The following TVP23A variants were observed in gnomAD, a reference collection of about 807,000 sequenced individuals.
TVP23A encodes the protein trans-golgi network vesicle protein 23 homolog A.
A neutral mutation model predicts 31.7 loss-of-function variants in TVP23A; 21 were observed. The ratio of observed to expected loss-of-function variants is 0.66; its 90% CI spans 0.47 to 0.95. The LOEUF is 0.95. TVP23A is among the 40% of genes least tolerant of loss of function. The pLI is 0.00. For synonymous variants in TVP23A, 104 were observed against 96.0 expected, an observed-to-expected ratio of 1.08 and a Z score of -0.49; for missense variants, 279 against 255.6, an observed-to-expected ratio of 1.09 and a Z score of -0.62.
In TVP23A at chr16:10,768,088, A is replaced by C; in HGVS notation, c.*1014T>G. ...TGCCTGTGGGGCAGGAAGCAACATA[A>C]AGGAGCCAGGGGTGTGGAAGGACAG... On this transcript the variant is annotated 3_prime_UTR_variant, in exon 8 of 8. Coordinates refer to ENST00000299866, the MANE Select transcript of TVP23A (RefSeq NM_001079512.4). The surrounding 1 kb of genome is among the most constrained non-coding windows in gnomAD (Gnocchi z 4.3). 6.5e-7 allele frequency: 1 copy of C among 1,544,776 alleles called. No homozygotes were observed. Among genetic ancestry groups the C allele is most frequent in the Non-Finnish European group, 8.9e-7 (1 of 1,120,158 alleles).
intron 2 of TVP23A, among the ~76,000 whole-genome samples, chr16:10,783,784 A>T (rs1470880263): frequency 6.6e-6 from 1 of 152,228 alleles, no homozygotes; most frequent in Non-Finnish European, 1.5e-5. Context: ...GACCTCAAAA[A>T]GGCATAGAGG....
rs1012766941 is a variant in TVP23A at position 10,766,987 on chromosome 16, C to T, written c.*2115G>A. The stretch of plus-strand genomic sequence containing the variant: ...GCTCCCCATCTCCCACCAACCCCTC[C>T]CCACAGGCTTCTTCCCCGACTTGGA... On this transcript the variant is annotated 3_prime_UTR_variant, in exon 8 of 8. Coordinates refer to ENST00000299866, the MANE Select transcript of TVP23A (RefSeq NM_001079512.4). This position sits in a 1 kb window ranked among gnomAD's most constrained non-coding sequence, Gnocchi z 4.8. The T allele has an allele frequency of 1.5e-5, 6 of 398,724 alleles. No homozygotes were observed. The highest frequency in any genetic ancestry group is 2.7e-5 in the Non-Finnish European group (6 of 226,210). 24.7% of individuals were successfully genotyped at this position (398,724 alleles called of 1,614,324 possible).
At chr16:10,759,572 G>A (rs148725078), downstream of TVP23A, among the ~76,000 whole-genome samples, 34 of 152,198 alleles carry the variant, frequency 2.2e-4, no homozygotes, top group African/African-American at 7.2e-4. This position sits in a 1 kb window ranked among gnomAD's most constrained non-coding sequence, Gnocchi z 4.7. Flanking sequence ...TCAGGAGTTC[G>A]AGACCAGACT....
Position 10,771,728 on chromosome 16 carries a change from C to G in TVP23A, c.524G>C (p.Gly175Ala). 1 of 1,612,040 alleles carries G rather than the reference C, an allele frequency of 6.2e-7. No individual in the cohort carries two copies. The highest frequency in any genetic ancestry group is 8.5e-7 in the Non-Finnish European group (1 of 1,179,122). Residue 175 changes from glycine to alanine, a missense_variant, in exon 6 of 8, where the codon GGC (glycine) becomes GCC (alanine). Coordinates refer to ENST00000299866, the MANE Select transcript of TVP23A (RefSeq NM_001079512.4). Reference protein sequence around the residue: ...LYGYILCKMGGNSDIGKVTAS... With the variant: ...LYGYILCKMGANSDIGKVTAS... ...TGTGACCTTGCCAATGTCACTGTTG[C>G]CTCCCATCTTACAAAGGATGTAGCC...
In TVP23A at chr16:10,771,985, AT is replaced by A. The variant is rs1280044650; in HGVS notation, c.454-188del. Among the ~76,000 whole-genome samples the A allele has an allele frequency of 8.6e-5, 13 of 151,764 alleles. 1 individual carries two copies. Among genetic ancestry groups the A allele is most frequent in the South Asian group, 8.3e-4 (4 of 4,802 alleles). ...AGGCGTCCGCCACCAGGCCTGGCTA[AT>A]TTTTTTGTATTTTTAGTAGAGACAC... is the stretch of plus-strand genomic sequence containing the variant. On this transcript the variant is annotated intron_variant, in intron 5 of 7. Coordinates refer to ENST00000299866, the MANE Select transcript of TVP23A (RefSeq NM_001079512.4).
intron 2 of TVP23A, among the ~76,000 whole-genome samples, chr16:10,817,440 C>T (rs958862804): frequency 9.2e-5 from 14 of 152,182 alleles, no homozygotes; most frequent in Admixed American, 2.0e-4. Context: ...AAGTGGCTGC[C>T]GCCTGGGCCA....
chr16:10,778,993 T>C (rs777407524), intron 2 of TVP23A, among the ~76,000 whole-genome samples: 5 of 152,148 alleles, frequency 3.3e-5, no homozygotes, highest in Non-Finnish European at 5.9e-5. Flanking sequence ...AATGTCAAAG[T>C]GTGAGCCAAG....
At chr16:10,758,862 G>A (rs56138941), downstream of TVP23A, among the ~76,000 whole-genome samples, 4,317 of 152,256 alleles carry the variant, frequency 0.028, 218 homozygotes, top group African/African-American at 0.098. Flanking sequence ...CCTAGTGGCT[G>A]TACTCCAAGG....
At chr16:10,778,985 T>G (rs1008935268) in intron 2 of TVP23A, among the ~76,000 whole-genome samples, 1 of 152,062 alleles carries the variant, frequency 6.6e-6, no homozygotes, top group Non-Finnish European at 1.5e-5. Flanking sequence ...CTCAAAAAAA[T>G]GTCAAAGTGT....
intron 2 of TVP23A, among the ~76,000 whole-genome samples, chr16:10,816,822 A>G (rs1308174576): frequency 6.6e-6 from 1 of 152,100 alleles, no homozygotes; most frequent in Non-Finnish European, 1.5e-5. Context: ...ATGTATACAT[A>G]TGTAACGAAC....
At chr16:10,778,464 C>G (rs981166027) in intron 2 of TVP23A, among the ~76,000 whole-genome samples, 9 of 152,260 alleles carry the variant, frequency 5.9e-5, no homozygotes, top group Admixed American at 5.2e-4. Flanking sequence ...TTGTCCCTTG[C>G]CCCTGGAGAT....
chr16:10,760,004 G>A (rs1900833336), downstream of TVP23A, among the ~76,000 whole-genome samples: 1 of 152,192 alleles, frequency 6.6e-6, no homozygotes, highest in Non-Finnish European at 1.5e-5. Flanking sequence ...TGGGTACAGG[G>A]ATCTGTGATA....
chr16:10,761,446 T>C, exon 9 of TVP23A: 1 of 1,614,066 alleles, frequency 6.2e-7, no homozygotes, highest in Non-Finnish European at 8.5e-7. Flanking sequence ...GTGGAGAACA[T>C]GAGTGGCTTC....
rs1013770354 is a variant in TVP23A at position 10,768,104 on chromosome 16, G to C, written c.*998C>G. ...AGCAACATAAAGGAGCCAGGGGTGT[G>C]GAAGGACAGGTGGGTGGTGGGGTCT... is the stretch of plus-strand genomic sequence containing the variant. On this transcript the variant is annotated 3_prime_UTR_variant, in exon 8 of 8. Transcript: ENST00000299866. This position sits in a 1 kb window ranked among gnomAD's most constrained non-coding sequence, Gnocchi z 4.3. The C allele has an allele frequency of 7.0e-7, 1 of 1,437,124 alleles. No homozygotes were observed. The highest frequency in any genetic ancestry group is 1.7e-5 in the Admixed American group (1 of 59,462). The allele number at this position is 1,437,124 out of a possible 1,614,324, so 89.0% of individuals were successfully genotyped here. A position where few individuals can be genotyped will look rare whatever the true frequency, so the allele number is the denominator to read the frequency against.
At chr16:10,765,344 A>G (rs2030714451), downstream of TVP23A, among the ~76,000 whole-genome samples, 1 of 151,216 alleles carries the variant, frequency 6.6e-6, no homozygotes, top group South Asian at 2.1e-4. This position sits in a 1 kb window ranked among gnomAD's most constrained non-coding sequence, Gnocchi z 4.0. Context: ...AAAAAAAAAA[A>G]AAAAAGGAAA....
At chr16:10,778,587 T>C (rs1464952164) in intron 2 of TVP23A, among the ~76,000 whole-genome samples, 1 of 152,102 alleles carries the variant, frequency 6.6e-6, no homozygotes, top group African/African-American at 2.4e-5. Context: ...AACATATTTG[T>C]TATGTTGAAC....
intron 2 of TVP23A, among the ~76,000 whole-genome samples, chr16:10,801,624 T>G (rs1328912414): frequency 1.3e-5 from 2 of 152,124 alleles, no homozygotes; most frequent in African/African-American, 2.4e-5. Context: ...GCCTGGATAA[T>G]TTTTGTATTT....
At position 10,775,246 on chromosome 16, in the gene TVP23A, G is replaced by T. The variant is rs1185445821; in HGVS notation, c.90-150C>A. On this transcript the variant is annotated intron_variant, in intron 2 of 7. Transcript: ENST00000299866. ...ATATGACGCAGAAACTCAGGCTGTA[G>T]CCCTGGGGACACATCATTAGGTCAG... The T allele has an allele frequency of 2.1e-6, 3 of 1,450,548 alleles. No individual in the cohort carries two copies. In the African/African-American group the frequency reaches 4.3e-5, roughly 21 times the overall value. The allele number at this position is 1,450,548 out of a possible 1,614,324, so 89.9% of individuals were successfully genotyped here.
chr16:10,784,500 G>T (rs2032621566), intron 2 of TVP23A, among the ~76,000 whole-genome samples: 1 of 151,666 alleles, frequency 6.6e-6, no homozygotes. Flanking sequence ...GGCAGAGGTT[G>T]CAGTGATCCG....
Sources: gnomAD v4.1 joint callset for allele counts (sites outside exome capture counted in the v4.1 genomes callset) on GRCh38, gnomAD v4.1.1 for gene constraint, Gnocchi (gnomAD v3.1) non-coding constraint, MANE v1.5 for transcripts, NCBI Gene and HGNC (gene_info 2026-07-23, HGNC 2026-07-21) for gene names.